CATSPERG: variants seen among roughly 807,000 people sequenced by gnomAD.
CATSPERG encodes catsper channel auxiliary subunit gamma.
Under a neutral mutation model 145.0 loss-of-function variants are expected in CATSPERG, and 115 were observed. The ratio of observed to expected loss-of-function variants is 0.79; its 90% CI spans 0.68 to 0.93. The LOEUF is 0.93. CATSPERG is among the 40% of genes least tolerant of loss of function. The pLI is 0.00. For synonymous variants in CATSPERG, 588 were observed against 589.0 expected, an observed-to-expected ratio of 1.00 and a Z score of 0.02; for missense variants, 1,296 against 1,490.1, an observed-to-expected ratio of 0.87 and a Z score of 2.14.
chr19:38,355,485 T>G (rs1206482657), intron 9 of CATSPERG, among the ~76,000 whole-genome samples: 1 of 151,894 alleles, frequency 6.6e-6, no homozygotes, highest in Non-Finnish European at 1.5e-5. Context: ...TCACCTGAGG[T>G]CAGGAGTTCG....
At chr19:38,354,600 C>T in intron 8 of CATSPERG, 110 bp from the exon 9 acceptor site, 2 of 1,314,830 alleles carry the variant, frequency 1.5e-6, no homozygotes, top group East Asian at 2.4e-5. Flanking sequence ...ACGGGTGCTT[C>T]AGCATGAGAG....
intron 3 of CATSPERG, among the ~76,000 whole-genome samples, chr19:38,338,309 C>T (rs964157384): frequency 2.0e-5 from 3 of 152,002 alleles, no homozygotes; most frequent in Admixed American, 6.6e-5. Context: ...CCACCACGCC[C>T]GGCTAATTTT....
rs1406759235 is a variant in CATSPERG, at chr19:38,337,435, G to A, written c.201G>A (p.Glu67=). 2.6e-6 allele frequency: 4 copies of A among 1,552,004 alleles called. No homozygotes were observed. The highest frequency in any genetic ancestry group is 3.5e-6 in the Non-Finnish European group (4 of 1,147,104). ...GTGGTGTGAGCGACAGCTTCTTTGA[G>A]CAAGAGCCCGTGGACACAGTGAGCA... is the stretch of plus-strand genomic sequence containing the variant. ...GESGVSDSFF[E]QEPVDTVSSL... Residue 67 remains glutamate, a synonymous_variant, in exon 2 of 29, where the codon GAG becomes GAA. Transcript: ENST00000409235.
chr19:38,354,946 TGAGG>T, intron 9 of CATSPERG, 99 bp downstream of exon 9: 3 of 1,397,166 alleles, frequency 2.1e-6, no homozygotes, highest in Non-Finnish European at 2.9e-6. Flanking sequence ...CCATGTGCCC[TGAGG>T]AGGGCCCCTA....
In CATSPERG at chr19:38,356,726, C is replaced by G. The variant is rs766971856; in HGVS notation, c.1196-16C>G. ...TGAGCCCTGGGGCGGCTCTGGACTG[C>G]CCCTTTCCCTCTCAGTTACCACCTG... On this transcript the variant is annotated splice_polypyrimidine_tract_variant and intron_variant, in intron 10 of 28. Coordinates refer to ENST00000409235, the MANE Select transcript of CATSPERG (RefSeq NM_021185.5). 1.3e-5 allele frequency: 21 copies of G among 1,613,474 alleles called. No individual in the cohort carries two copies. Among genetic ancestry groups the G allele is most frequent in the Non-Finnish European group, 1.8e-5 (21 of 1,179,740 alleles).
chr19:38,343,752 G>A (rs757319868), intron 4 of CATSPERG, 28 bp downstream of exon 4: 29 of 1,541,428 alleles, frequency 1.9e-5, no homozygotes, highest in African/African-American at 1.4e-4. Context: ...GGGAGGGATC[G>A]CAACCTGGCA....
In CATSPERG at chr19:38,343,726, T is replaced by A; in HGVS notation, c.469+2T>A. Reference sequence around the variant, plus strand: ...AGGCTGCCCCCTTCCGCAGCAAAGGTGGGCCTGGGGGAGGCGGGAGGGATC... The same window carrying A: ...AGGCTGCCCCCTTCCGCAGCAAAGGAGGGCCTGGGGGAGGCGGGAGGGATC... On this transcript the variant is annotated splice_donor_variant, in intron 4 of 28. Coordinates refer to ENST00000409235, the MANE Select transcript of CATSPERG (RefSeq NM_021185.5). LOFTEE classifies it high-confidence loss of function. 6.5e-7 allele frequency: 1 copy of A among 1,527,048 alleles called. No homozygotes were observed. The highest frequency in any genetic ancestry group is 8.8e-7 in the Non-Finnish European group (1 of 1,135,118). 94.6% of individuals were successfully genotyped at this position (1,527,048 alleles called of 1,614,324 possible).
At position 38,337,497 on chromosome 19, in the gene CATSPERG, C is replaced by A; in HGVS notation, c.263C>A (p.Pro88Gln). ...FHMLVDSPIDPSEKYLGFPYY... is the reference protein window; with the variant it reads ...FHMLVDSPIDQSEKYLGFPYY... ...ATGCTGGTGGACTCACCCATCGACCCGAGCGAGGTGAGGGGACCAGGGTCA... is the reference window on the plus strand; with the variant it reads ...ATGCTGGTGGACTCACCCATCGACCAGAGCGAGGTGAGGGGACCAGGGTCA... The change falls in exon 2 of 29, where the codon CCG (proline) becomes CAG (glutamine). Residue 88 changes from proline (P) to glutamine (Q), a missense_variant. Coordinates refer to ENST00000409235, the MANE Select transcript of CATSPERG (RefSeq NM_021185.5). 6.4e-7 allele frequency: 1 copy of A among 1,552,012 alleles called. No homozygotes were observed. The highest frequency in any genetic ancestry group is 8.7e-7 in the Non-Finnish European group (1 of 1,147,066).
chr19:38,342,869 C>T (rs1969962565), intron 3 of CATSPERG, among the ~76,000 whole-genome samples: 1 of 152,070 alleles, frequency 6.6e-6, no homozygotes, highest in Non-Finnish European at 1.5e-5. Context: ...TTCTATTCAG[C>T]CAGGATCCCG....
chr19:38,354,812 A>G lies in CATSPERG; in HGVS notation c.1100A>G (p.Lys367Arg). 1 of 1,614,184 alleles carries G rather than the reference A, an allele frequency of 6.2e-7. No individual in the cohort carries two copies. The highest frequency in any genetic ancestry group is 1.6e-4 in the Middle Eastern group (1 of 6,062). Residue 367 changes from lysine (K) to arginine (R), a missense_variant, in exon 9 of 29, where the codon AAG becomes AGG. Physicochemically the swap from Lys to Arg is conservative, Grantham distance 26. Transcript: ENST00000409235. ...SEYIMALTTG[K>R]HEGYVHFGTI... is the part of the protein sequence containing the mutation. ...TACATAATGGCCCTCACCACGGGCA[A>G]GCATGAGGGTTATGTACACTTCGGG...
chr19:38,348,693 G>A (rs371825758), intron 7 of CATSPERG, among the ~76,000 whole-genome samples: 26 of 151,542 alleles, frequency 1.7e-4, no homozygotes, highest in African/African-American at 5.8e-4. Context: ...GGCTGGTCTC[G>A]AACTCCTGAC....
At position 38,359,109 on chromosome 19, in the gene CATSPERG, G is replaced by A. The variant is rs190978100; in HGVS notation, c.1497-361G>A. Reference sequence around the variant, plus strand: ...AGGTGATCCTCCTGCCTCAGCCTCCGAGAGTGCTGGGATTACAGGTGTGAA... The same window carrying A: ...AGGTGATCCTCCTGCCTCAGCCTCCAAGAGTGCTGGGATTACAGGTGTGAA... On this transcript the variant is annotated intron_variant, in intron 13 of 28. Coordinates refer to ENST00000409235, the MANE Select transcript of CATSPERG (RefSeq NM_021185.5). Among the ~76,000 whole-genome samples the A allele has an allele frequency of 7.4e-4, 112 of 151,978 alleles. 3 individuals are homozygous for A. In the East Asian group the frequency reaches 0.019, roughly 26 times the overall value.
At chr19:38,341,252 G>T (rs1028963989) in intron 3 of CATSPERG, among the ~76,000 whole-genome samples, 3 of 152,208 alleles carry the variant, frequency 2.0e-5, no homozygotes, top group Admixed American at 6.5e-5. Flanking sequence ...CTGATTCCAG[G>T]CTTCACTGGC....
chr19:38,362,871 G>GTT (rs553363428), intron 20 of CATSPERG, 39 bp downstream of exon 20: 8,007 of 441,406 alleles, frequency 0.018, 1 homozygote, highest in South Asian at 0.022. Flanking sequence ...GGGAGGTTTT[G>GTT]TTTTTTTTTT....
intron 6 of CATSPERG, among the ~76,000 whole-genome samples, chr19:38,345,785 T>C (rs764672903): frequency 7.2e-5 from 11 of 152,102 alleles, no homozygotes; most frequent in African/African-American, 1.2e-4. Context: ...GTGCTGGGAT[T>C]ACAGGCATGA....
chr19:38,337,188 C>T (rs1171434249), intron 1 of CATSPERG, 33 bp from the exon 2 acceptor site: 7 of 1,541,770 alleles, frequency 4.5e-6, no homozygotes, highest in Admixed American at 2.0e-5. Context: ...GAGAGCTGTC[C>T]GGCGCGTGGG....
intron 17 of CATSPERG, 83 bp downstream of exon 17, chr19:38,361,944 C>T: frequency 1.5e-6 from 1 of 684,794 alleles, no homozygotes. Flanking sequence ...GCCTGTGGAG[C>T]GGAGCGCAGC....
In CATSPERG at chr19:38,356,537, AT is replaced by A. The variant is rs1292168641; in HGVS notation, c.1190del (p.Ile397LysfsTer8). The A allele has an allele frequency of 1.2e-6, 2 of 1,613,638 alleles. No homozygotes were observed. The highest frequency in any genetic ancestry group is 1.7e-6 in the Non-Finnish European group (2 of 1,179,920). ...LPRQWSVCEQ[I>X]GVTTCSIIWS... ...CAGGCAGTGGTCTGTGTGCGAGCAG[AT>A]AGGAGGTACTCATTACCCCGATGGG... On this transcript the variant is annotated frameshift_variant, in exon 10 of 29. Transcript: ENST00000409235. LOFTEE classifies it high-confidence loss of function.
Position 38,367,684 on chromosome 19 carries a change from T to A in CATSPERG, c.2838T>A (p.Tyr946Ter). Residue 946 changes from tyrosine (Y) to a stop codon, truncating the protein, a stop_gained, in exon 25 of 29, where the codon TAT becomes TAA. Coordinates refer to ENST00000409235, the MANE Select transcript of CATSPERG (RefSeq NM_021185.5). LOFTEE classifies it high-confidence loss of function. ...TGDSGSFQGS[Y>*]VLLVVGGGPT... Reference sequence around the variant, plus strand: ...TGTGCACTTCTGTCCCTGGTAGCTATGTTCTGCTGGTGGTGGGTGGCGGGC... The same window carrying A: ...TGTGCACTTCTGTCCCTGGTAGCTAAGTTCTGCTGGTGGTGGGTGGCGGGC... The A allele has an allele frequency of 1.2e-6, 2 of 1,614,034 alleles. No individual in the cohort carries two copies. The highest frequency in any genetic ancestry group is 2.2e-5 in the South Asian group (2 of 91,068).
Sources: allele counts gnomAD v4.1 joint callset (sites outside exome capture counted in the v4.1 genomes callset), GRCh38; gene constraint gnomAD v4.1.1; transcripts MANE v1.5; gene names NCBI Gene and HGNC (gene_info 2026-07-23, HGNC 2026-07-21).